The following NRCAM variants were observed in gnomAD, a reference collection of about 807,000 sequenced individuals.
NRCAM encodes neuronal cell adhesion molecule, also known as NgCAM-related cell adhesion molecule.
A neutral mutation model predicts 156.5 loss-of-function variants in NRCAM; 83 were observed. The ratio of observed to expected loss-of-function variants is 0.53; its 90% CI spans 0.44 to 0.64. The LOEUF (loss-of-function observed/expected upper bound fraction) is 0.64. NRCAM is among the 30% of genes least tolerant of loss of function. The pLI is 0.00. For missense variants in NRCAM, 1,417 were observed against 1,597.3 expected (o/e 0.89, Z 1.92); for synonymous variants, 538 against 563.9 (o/e 0.95, Z 0.65).
chr7:108,396,141 C>A (rs781389643), intron 2 of NRCAM, among the ~76,000 whole-genome samples: 5 of 152,120 alleles, frequency 3.3e-5, no homozygotes, highest in African/African-American at 4.8e-5. Flanking sequence ...GTCTATCATG[C>A]AGCGAATATG....
chr7:108,164,203 G>C (rs1485076906), intron 30 of NRCAM, among the ~76,000 whole-genome samples: 2 of 145,682 alleles, frequency 1.4e-5, no homozygotes, highest in African/African-American at 5.2e-5. Context: ...ACCAGGTGGG[G>C]TGGGGTAGTG....
At chr7:108,401,849 T>G (rs2099793626) in intron 1 of NRCAM, among the ~76,000 whole-genome samples, 1 of 152,194 alleles carries the variant, frequency 6.6e-6, no homozygotes, top group African/African-American at 2.4e-5. Flanking sequence ...ATCTACTTTA[T>G]CTTTTTTGTC....
At chr7:108,155,564 G>T (rs1194743507) in intron 32 of NRCAM, among the ~76,000 whole-genome samples, 1 of 151,954 alleles carries the variant, frequency 6.6e-6, no homozygotes, top group Non-Finnish European at 1.5e-5. Context: ...TTACCTTCCT[G>T]CTTCTGTTCC....
At chr7:108,198,611 A>G (rs984109592) in intron 13 of NRCAM, among the ~76,000 whole-genome samples, 2 of 152,364 alleles carry the variant, frequency 1.3e-5, no homozygotes, top group Admixed American at 6.5e-5. Context: ...GTTAACGATC[A>G]AGAGGAAATA....
At chr7:108,400,190 C>G (rs1211283660) in intron 1 of NRCAM, among the ~76,000 whole-genome samples, 1 of 152,192 alleles carries the variant, frequency 6.6e-6, no homozygotes, top group East Asian at 1.9e-4. Flanking sequence ...TAAAGTGGAA[C>G]AGAATAAAAC....
intron 1 of NRCAM, among the ~76,000 whole-genome samples, chr7:108,411,504 G>A (rs765686130): frequency 6.6e-6 from 1 of 152,100 alleles, no homozygotes; most frequent in Non-Finnish European, 1.5e-5. Context: ...TGTTGAGATT[G>A]TTCCATATCA....
chr7:108,181,468 T>G (rs776013187), intron 24 of NRCAM, among the ~76,000 whole-genome samples: 1 of 152,240 alleles, frequency 6.6e-6, no homozygotes, highest in Non-Finnish European at 1.5e-5. Flanking sequence ...CAGGATAATT[T>G]TGTGTGTTCA....
intron 3 of NRCAM, among the ~76,000 whole-genome samples, chr7:108,272,983 T>TGA (rs1193568415): frequency 6.6e-6 from 1 of 151,772 alleles, no homozygotes; most frequent in Non-Finnish European, 1.5e-5. Flanking sequence ...CACTTATGAG[T>TGA]GAGAACATGT....
intron 3 of NRCAM, among the ~76,000 whole-genome samples, chr7:108,309,694 T>C (rs1227889157): frequency 6.6e-6 from 1 of 151,980 alleles, no homozygotes; most frequent in Non-Finnish European, 1.5e-5. Context: ...CTGTCTCTAT[T>C]AAAAATGCAA....
At chr7:108,341,831 C>G (rs1317879587) in intron 2 of NRCAM, among the ~76,000 whole-genome samples, 3 of 152,164 alleles carry the variant, frequency 2.0e-5, no homozygotes, top group Non-Finnish European at 4.4e-5. Flanking sequence ...AGTACAGAAA[C>G]CCAATGGACA....
chr7:108,273,392 C>A (rs1385987585), intron 3 of NRCAM, among the ~76,000 whole-genome samples: 1 of 152,226 alleles, frequency 6.6e-6, no homozygotes, highest in African/African-American at 2.4e-5. Context: ...TATTTCTCTA[C>A]ATCCTCTCCA....
chr7:108,356,502 T>C (rs968813861), intron 2 of NRCAM, among the ~76,000 whole-genome samples: 7 of 152,312 alleles, frequency 4.6e-5, no homozygotes, highest in African/African-American at 1.7e-4. Flanking sequence ...TTTTTACAAA[T>C]GTCCCAACAG....
intron 2 of NRCAM, among the ~76,000 whole-genome samples, chr7:108,378,929 G>A (rs1450793074): frequency 6.6e-6 from 1 of 151,974 alleles, no homozygotes; most frequent in Non-Finnish European, 1.5e-5. Context: ...GGGTAAATGC[G>A]GCTAACAACC....
At chr7:108,294,053 T>G (rs956586663) in intron 3 of NRCAM, among the ~76,000 whole-genome samples, 3 of 152,090 alleles carry the variant, frequency 2.0e-5, no homozygotes, top group Non-Finnish European at 4.4e-5. Context: ...TGGTGAGCAA[T>G]AAGAAAGCAG....
chr7:108,342,295 C>T (rs1158389361), intron 2 of NRCAM, among the ~76,000 whole-genome samples: 1 of 152,230 alleles, frequency 6.6e-6, no homozygotes, highest in Non-Finnish European at 1.5e-5. Context: ...CTGCTCAGAA[C>T]AGGCTAAATA....
intron 1 of NRCAM, among the ~76,000 whole-genome samples, chr7:108,402,324 T>C (rs576858693): frequency 1.2e-4 from 18 of 152,226 alleles, no homozygotes; most frequent in Non-Finnish European, 1.9e-4. Flanking sequence ...TATAATAAAA[T>C]CTAATTTACA....
In NRCAM at chr7:108,411,193, T is replaced by C. The variant is rs966243585; in HGVS notation, c.-331-11600A>G. Among the ~76,000 whole-genome samples, 6 of 152,218 alleles carry C rather than the reference T, an allele frequency of 3.9e-5. 1 individual carries two copies. The South Asian group carries it at 8.3e-4, about 21-fold the overall frequency. On this transcript the variant is annotated intron_variant, in intron 1 of 32. Coordinates refer to ENST00000379028, the MANE Select transcript of NRCAM (RefSeq NM_001037132.4). ...AATGTTATTAATATAGGACTACCTGTGGATTTCTCTCCAATTATCTTTTTT... is the reference window on the plus strand; with the variant it reads ...AATGTTATTAATATAGGACTACCTGCGGATTTCTCTCCAATTATCTTTTTT...
chr7:108,319,563 GAAGA>G (rs960224358), intron 2 of NRCAM, among the ~76,000 whole-genome samples: 2 of 152,206 alleles, frequency 1.3e-5, no homozygotes, highest in African/African-American at 4.8e-5. Flanking sequence ...GTCAATGGCA[GAAGA>G]TAGATATTGA....
At chr7:108,378,632 A>AACACACAC (rs3077977) in intron 2 of NRCAM, among the ~76,000 whole-genome samples, 67 of 115,976 alleles carry the variant, frequency 5.8e-4, no homozygotes, top group East Asian at 1.2e-3. Context: ...AGCAGGATTC[A>AACACACAC]ACACACACAC....
Sources: gnomAD v4.1 joint callset for allele counts (sites outside exome capture counted in the v4.1 genomes callset) on GRCh38, gnomAD v4.1.1 for gene constraint, MANE v1.5 for transcripts, NCBI Gene and HGNC (gene_info 2026-07-23, HGNC 2026-07-21) for gene names.